The following NUP155 variants were observed in gnomAD, a reference collection of about 807,000 sequenced individuals.
NUP155 encodes the protein nuclear pore complex protein Nup155.
In NUP155, 71 loss-of-function variants were observed where a neutral mutation model predicts 180.4. That is an observed-to-expected ratio of 0.39 (90% CI 0.33 to 0.48). The LOEUF (loss-of-function observed/expected upper bound fraction) is 0.48. NUP155 is among the 20% of genes least tolerant of loss of function. The pLI is 0.91. For synonymous variants in NUP155, 582 were observed against 559.5 expected, an observed-to-expected ratio of 1.04 and a Z score of -0.57; for missense variants, 1,553 against 1,648.9, an observed-to-expected ratio of 0.94 and a Z score of 1.01.
intron 1 of NUP155, among the ~76,000 whole-genome samples, chr5:37,366,309 T>G (rs1747580394): frequency 6.6e-6 from 1 of 152,200 alleles, no homozygotes; most frequent in African/African-American, 2.4e-5. Context: ...TTGAAGTGTA[T>G]TATGGAAATT....
chr5:37,298,237 CAAA>C (rs11390520), intron 32 of NUP155, among the ~76,000 whole-genome samples: 5 of 100,544 alleles, frequency 5.0e-5, no homozygotes, highest in Admixed American at 1.1e-4. Context: ...GCCTCTGTCT[CAAA>C]AAAAAAAAAA....
intron 1 of NUP155, among the ~76,000 whole-genome samples, chr5:37,367,570 T>C (rs928610432): frequency 6.6e-6 from 1 of 151,006 alleles, no homozygotes; most frequent in African/African-American, 2.4e-5. Flanking sequence ...TCTCACTCTG[T>C]CGCCCAGGCT....
At chr5:37,352,195 A>C (rs1353078971) in intron 5 of NUP155, among the ~76,000 whole-genome samples, 1 of 152,148 alleles carries the variant, frequency 6.6e-6, no homozygotes, top group African/African-American at 2.4e-5. Flanking sequence ...GTCTCTACTA[A>C]AAATACAAAA....
chr5:37,306,495 C>T (rs183937500), intron 25 of NUP155, among the ~76,000 whole-genome samples: 12 of 152,232 alleles, frequency 7.9e-5, no homozygotes, highest in Admixed American at 4.6e-4. Flanking sequence ...CGAGACGGAG[C>T]CCTGCTCTGA....
rs1744809156 is a variant in NUP155, at chr5:37,329,336, A to G, written c.1725-58T>C. The G allele has an allele frequency of 3.9e-5, 54 of 1,371,866 alleles. 1 individual carries two copies. In the South Asian group the frequency reaches 5.8e-4, roughly 15 times the overall value. The allele number at this position is 1,371,866 out of a possible 1,614,324, so 85.0% of individuals were successfully genotyped here. On this transcript the variant is annotated intron_variant, in intron 15 of 34. Coordinates refer to ENST00000231498, the MANE Select transcript of NUP155 (RefSeq NM_153485.3). ...GTAAAACAAACCATCCATCTTAAAA[A>G]CTGGAATTGTTCCTTTTCCTGTTTA...
At chr5:37,340,565 G>C (rs1745648600) in intron 11 of NUP155, among the ~76,000 whole-genome samples, 1 of 152,106 alleles carries the variant, frequency 6.6e-6, no homozygotes, top group Non-Finnish European at 1.5e-5. Context: ...CAACAGAATA[G>C]AACTGAGAAT....
At position 37,304,854 on chromosome 5, in the gene NUP155, G is replaced by T; in HGVS notation, c.3058-11C>A. 6.2e-7 allele frequency: 1 copy of T among 1,609,364 alleles called. No homozygotes were observed. ...AAGCATTTGTTCAAACTAAAATAAA[G>T]AAAATAGTAAAAATTAGCAGTTAAA... On this transcript the variant is annotated splice_polypyrimidine_tract_variant and intron_variant, in intron 26 of 34. Transcript: ENST00000231498.
At chr5:37,366,037 A>G (rs1747565565) in intron 1 of NUP155, among the ~76,000 whole-genome samples, 1 of 151,966 alleles carries the variant, frequency 6.6e-6, no homozygotes, top group Non-Finnish European at 1.5e-5. Flanking sequence ...GACCACTAAG[A>G]CAAATACAAA....
intron 32 of NUP155, 131 bp from the exon 33 acceptor site, chr5:37,294,596 G>T: frequency 1.2e-6 from 1 of 850,652 alleles, no homozygotes; most frequent in Non-Finnish European, 1.9e-6. Context: ...TGGGGCGGGG[G>T]GTTTTTTTTG....
chr5:37,356,488 T>C (rs1158044390), intron 4 of NUP155, among the ~76,000 whole-genome samples: 4 of 149,816 alleles, frequency 2.7e-5, no homozygotes, highest in East Asian at 4.1e-4. Context: ...ACTAAAAATA[T>C]AAAAATTAGG....
At chr5:37,298,730 C>T (rs528607850) in intron 32 of NUP155, 138 bp downstream of exon 32, 355 of 660,158 alleles carry the variant, frequency 5.4e-4, no homozygotes, top group Non-Finnish European at 7.3e-4. Context: ...GAAGTCTTTC[C>T]GGAGAGGCAG....
At chr5:37,292,153 T>C in intron 34 of NUP155, 115 bp from the exon 35 acceptor site, 2 of 942,504 alleles carry the variant, frequency 2.1e-6, no homozygotes, top group South Asian at 2.9e-5. Context: ...AAAGACCATG[T>C]GATTAAGTAA....
intron 23 of NUP155, among the ~76,000 whole-genome samples, chr5:37,310,154 C>G (rs1387755956): frequency 6.6e-6 from 1 of 152,006 alleles, no homozygotes; most frequent in Non-Finnish European, 1.5e-5. Flanking sequence ...GCCTGTGCAA[C>G]AAATCAGAAC....
rs1206547013 is a variant in NUP155, at chr5:37,288,432, C to T, written c.*3468G>A. 7 of 150,782 alleles carry T rather than the reference C, an allele frequency of 4.6e-5. No individual in the cohort carries two copies. Among genetic ancestry groups the T allele is most frequent in the African/African-American group, 7.4e-5 (3 of 40,470 alleles). The allele number at this position is 150,782 out of a possible 1,614,324, so 9.3% of individuals were successfully genotyped here. On this transcript the variant is annotated 3_prime_UTR_variant, in exon 35 of 35. Coordinates refer to ENST00000231498, the MANE Select transcript of NUP155 (RefSeq NM_153485.3). ...ATGTACATCAGTCAGTATCTCATAGCATAAACAGTTAGTCAAGATAGCTTT... is the reference window on the plus strand; with the variant it reads ...ATGTACATCAGTCAGTATCTCATAGTATAAACAGTTAGTCAAGATAGCTTT...
In NUP155 at chr5:37,314,151, C is replaced by A. The variant is rs1444277500; in HGVS notation, c.2436+47G>T. The A allele has an allele frequency of 2.1e-6, 3 of 1,401,686 alleles. No individual in the cohort carries two copies. The Admixed American group carries it at 5.6e-5, about 26-fold the overall frequency. 86.8% of individuals were successfully genotyped at this position (1,401,686 alleles called of 1,614,324 possible). A position where few individuals can be genotyped will look rare whatever the true frequency, so the allele number is the denominator to read the frequency against. ...AGCCAAAATACTCATCCAAAAAATC[C>A]AAACATAGTATTAATGGTATAATCA... On this transcript the variant is annotated intron_variant, in intron 22 of 34. Transcript: ENST00000231498.
chr5:37,360,286 G>A (rs1482811968), intron 3 of NUP155, among the ~76,000 whole-genome samples: 14 of 151,324 alleles, frequency 9.3e-5, no homozygotes, highest in South Asian at 2.1e-4. Context: ...GATCGAGACC[G>A]TCCTGGCCAA....
intron 22 of NUP155, among the ~76,000 whole-genome samples, chr5:37,311,686 A>C (rs1743537923): frequency 6.6e-6 from 1 of 151,038 alleles, no homozygotes; most frequent in Non-Finnish European, 1.5e-5. Flanking sequence ...TTTTTACAGA[A>C]TTGCAGCTAG....
chr5:37,343,171 T>A (rs1281219308), intron 9 of NUP155, among the ~76,000 whole-genome samples: 3 of 152,054 alleles, frequency 2.0e-5, no homozygotes, highest in Non-Finnish European at 2.9e-5. Flanking sequence ...ACCTGCCAGG[T>A]TCACGCCATT....
At chr5:37,352,318 A>G (rs1157977406) in intron 5 of NUP155, among the ~76,000 whole-genome samples, 1 of 152,090 alleles carries the variant, frequency 6.6e-6, no homozygotes, top group African/African-American at 2.4e-5. Flanking sequence ...AGATTGCACC[A>G]CTACACTCCA....
Sources: allele counts gnomAD v4.1 joint callset (sites outside exome capture counted in the v4.1 genomes callset), GRCh38; gene constraint gnomAD v4.1.1; transcripts MANE v1.5; gene names NCBI Gene and HGNC (gene_info 2026-07-23, HGNC 2026-07-21).